The following SH3D19 variants were observed in gnomAD, a reference collection of about 807,000 sequenced individuals.
SH3D19 encodes the protein SH3 domain-containing protein 19.
In SH3D19, 58 loss-of-function variants were observed where a neutral mutation model predicts 112.1. The ratio of observed to expected loss-of-function variants is 0.52; its 90% confidence interval spans 0.42 to 0.64. The LOEUF (loss-of-function observed/expected upper bound fraction) is 0.64, where lower values mean the gene tolerates loss of function less well. SH3D19 is among the 30% of genes least tolerant of loss of function. SH3D19 has a pLI of 0.00. For synonymous variants in SH3D19, 391 were observed against 448.5 expected (o/e 0.87, Z 1.62); for missense variants, 1,090 against 1,263.4 (o/e 0.86, Z 2.08).
intron 13 of SH3D19, 110 bp from the exon 14 acceptor site, chr4:151,137,972 T>G: frequency 1.2e-6 from 1 of 817,292 alleles, no homozygotes. Flanking sequence ...GTTCCACTGA[T>G]TCTGAGAACA....
intron 12 of SH3D19, 144 bp downstream of exon 12, chr4:151,143,766 A>G (rs1000365605): frequency 8.9e-6 from 8 of 897,992 alleles, no homozygotes; most frequent in Non-Finnish European, 1.3e-5. Flanking sequence ...AATTTATTCT[A>G]AAAGTAGAAT....
intron 1 of SH3D19, among the ~76,000 whole-genome samples, chr4:151,291,992 T>TA (rs1208630150): frequency 6.6e-6 from 1 of 150,768 alleles, no homozygotes; most frequent in Non-Finnish European, 1.5e-5. Context: ...TAAGGAGCAG[T>TA]AAAAAAAGAA....
At chr4:151,243,196 A>G (rs755250127) in intron 1 of SH3D19, among the ~76,000 whole-genome samples, 20 of 152,190 alleles carry the variant, frequency 1.3e-4, no homozygotes, top group Non-Finnish European at 2.6e-4. Flanking sequence ...ATCAGCTTGG[A>G]GCAAATAGAG....
chr4:151,127,844 G>A, intron 18 of SH3D19, 129 bp from the exon 19 acceptor site: 1 of 490,588 alleles, frequency 2.0e-6, no homozygotes. Flanking sequence ...AGTGATATTA[G>A]GCAAAGAAAA....
chr4:151,250,561 G>T (rs1465642836), intron 1 of SH3D19, among the ~76,000 whole-genome samples: 1 of 152,036 alleles, frequency 6.6e-6, no homozygotes, highest in Non-Finnish European at 1.5e-5. Context: ...AACCCATCAG[G>T]TGCTAGAAGT....
In SH3D19 at chr4:151,174,856, G is replaced by T; in HGVS notation, c.1348C>A (p.Leu450Ile). The T allele has an allele frequency of 6.2e-7, 1 of 1,600,060 alleles. No individual in the cohort carries two copies. Among genetic ancestry groups the T allele is most frequent in the Non-Finnish European group, 8.5e-7 (1 of 1,173,136 alleles). The stretch of plus-strand genomic sequence containing the variant: ...GCTTTGGCTTGTGATGCCCCTGCGA[G>T]TCGGGGAGGAACAGTGACAGGTTTC... ...PLKPVTVPPRLAGASQAKAYK... is the reference protein window; with the variant it reads ...PLKPVTVPPRIAGASQAKAYK... The change falls in exon 7 of 20, where the codon CTC becomes ATC. Residue 450 changes from leucine to isoleucine, a missense_variant. By Grantham distance (5) the Leu-to-Ile change is conservative (BLOSUM62 2). Transcript: ENST00000604030.
intron 2 of SH3D19, among the ~76,000 whole-genome samples, chr4:151,209,277 A>T (rs1765594628): frequency 6.7e-6 from 1 of 149,292 alleles, no homozygotes; most frequent in Admixed American, 6.6e-5. Flanking sequence ...ACAATCGAAA[A>T]AGTATTTTTT....
At chr4:151,212,690 T>C (rs1766164424) in intron 2 of SH3D19, among the ~76,000 whole-genome samples, 1 of 152,232 alleles carries the variant, frequency 6.6e-6, no homozygotes, top group African/African-American at 2.4e-5. Context: ...TTCATATTGT[T>C]TTCATGTCTG....
chr4:151,231,583 TG>T (rs1300651982), intron 1 of SH3D19, among the ~76,000 whole-genome samples: 2 of 152,182 alleles, frequency 1.3e-5, no homozygotes, highest in East Asian at 3.8e-4. Context: ...ATATATTTGT[TG>T]TTGCTGAAAT....
chr4:151,252,254 C>T (rs1359525383), intron 1 of SH3D19, among the ~76,000 whole-genome samples: 2 of 152,192 alleles, frequency 1.3e-5, no homozygotes, highest in Non-Finnish European at 2.9e-5. Context: ...CTGTGCCACC[C>T]AGCCTCTTCT....
chr4:151,177,140 G>C (rs143295201), intron 4 of SH3D19, among the ~76,000 whole-genome samples, 185 bp from the exon 5 acceptor site: 137 of 152,340 alleles, frequency 9.0e-4, no homozygotes, highest in African/African-American at 2.9e-3. Flanking sequence ...CTTCAAGAGA[G>C]CAAATGACAA....
intron 12 of SH3D19, among the ~76,000 whole-genome samples, chr4:151,142,073 T>C (rs1020704224): frequency 6.6e-6 from 1 of 152,186 alleles, no homozygotes; most frequent in African/African-American, 2.4e-5. Flanking sequence ...TAGGTAAATA[T>C]AACATAATGC....
intron 1 of SH3D19, among the ~76,000 whole-genome samples, chr4:151,288,692 A>C (rs971939041): frequency 5.3e-5 from 8 of 152,172 alleles, no homozygotes; most frequent in African/African-American, 1.9e-4. Context: ...AAGAAAAAAG[A>C]AAAAAGCAAC....
intron 1 of SH3D19, among the ~76,000 whole-genome samples, chr4:151,250,134 T>C (rs893174853): frequency 3.9e-5 from 6 of 152,180 alleles, no homozygotes; most frequent in Non-Finnish European, 7.4e-5. Flanking sequence ...TTTTCTTTAA[T>C]ACTTCCACAT....
chr4:151,163,803 G>A lies in SH3D19; in HGVS notation c.1642+1786C>T, dbSNP rs150660628. Among the ~76,000 whole-genome samples, 437 of 151,906 alleles carry A rather than the reference G, an allele frequency of 2.9e-3. 1 individual carries two copies. The highest frequency in any genetic ancestry group is 0.01 in the African/African-American group (414 of 41,396). On this transcript the variant is annotated intron_variant, in intron 8 of 19. Coordinates refer to ENST00000604030, the MANE Select transcript of SH3D19 (RefSeq NM_001378122.1). The stretch of plus-strand genomic sequence containing the variant: ...TCACCATGTTGGCCAGGCTGGTCTC[G>A]AACTCCTGACCTCAAGTGATCTGCC...
At chr4:151,239,298 C>A (rs891439790) in intron 1 of SH3D19, among the ~76,000 whole-genome samples, 1 of 152,174 alleles carries the variant, frequency 6.6e-6, no homozygotes, top group Non-Finnish European at 1.5e-5. Flanking sequence ...GGCAGAGCAC[C>A]TTACACAAAA....
At chr4:151,226,390 T>TAG in intron 1 of SH3D19, 1 of 1,048,980 alleles carries the variant, frequency 9.5e-7, no homozygotes, top group Non-Finnish European at 1.1e-6. Context: ...CTAGAAGAGA[T>TAG]TTAGCTAAGG....
At chr4:151,222,426 A>G (rs549700033) in intron 2 of SH3D19, among the ~76,000 whole-genome samples, 8 of 152,342 alleles carry the variant, frequency 5.3e-5, no homozygotes, top group Non-Finnish European at 8.8e-5. Context: ...ACATAAAACT[A>G]TATCACCCTT....
chr4:151,245,515 T>C (rs948175151), intron 1 of SH3D19, among the ~76,000 whole-genome samples: 2 of 152,198 alleles, frequency 1.3e-5, no homozygotes, highest in Non-Finnish European at 2.9e-5. Context: ...TAAAAGACCA[T>C]AAACATTCCT....
Sources: allele counts gnomAD v4.1 joint callset (sites outside exome capture counted in the v4.1 genomes callset), GRCh38; gene constraint gnomAD v4.1.1; transcripts MANE v1.5; gene names NCBI Gene and HGNC (gene_info 2026-07-23, HGNC 2026-07-21).